The following GSE1 variants were observed in gnomAD, a reference collection of about 807,000 sequenced individuals.
GSE1 encodes Gse1 coiled-coil protein, also known as genetic suppressor element 1.
GSE1 carries 32 observed loss-of-function variants against 112.6 expected under a neutral mutation model. The ratio of observed to expected loss-of-function variants is 0.28; its 90% CI spans 0.21 to 0.38. The LOEUF is 0.38. GSE1 is among the 10% of genes least tolerant of loss of function. GSE1 has a pLI of 1.00. For missense variants in GSE1, 2,348 were observed against 1,699.2 expected (o/e 1.38, Z -6.71); for synonymous variants, 1,115 against 735.6 (o/e 1.52, Z -8.35).
At chr16:85,474,212 G>C (rs972415985) in intron 2 of GSE1, among the ~76,000 whole-genome samples, 2 of 152,080 alleles carry the variant, frequency 1.3e-5, no homozygotes, top group East Asian at 3.9e-4. Context: ...GACAGAGAAG[G>C]GGGGCAGAGG....
intron 14 of GSE1, 139 bp from the exon 15 acceptor site, chr16:85,670,856 G>A: frequency 1.6e-6 from 1 of 617,320 alleles, no homozygotes; most frequent in Non-Finnish European, 2.9e-6. Context: ...GGAGCATTGT[G>A]GTCCACAGGA....
intron 8 of GSE1, 103 bp from the exon 9 acceptor site, chr16:85,661,043 C>A: frequency 9.0e-7 from 1 of 1,105,456 alleles, no homozygotes; most frequent in South Asian, 1.5e-5. Flanking sequence ...CTCTAAGGGG[C>A]TGCGCCATCT....
intron 2 of GSE1, among the ~76,000 whole-genome samples, chr16:85,415,357 CATG>C (rs754404193): frequency 9.9e-5 from 15 of 152,192 alleles, no homozygotes; most frequent in Non-Finnish European, 2.1e-4. Flanking sequence ...CTAAATAGGA[CATG>C]ATGATGAATG....
intron 1 of GSE1, among the ~76,000 whole-genome samples, chr16:85,269,829 C>G (rs1056778009): frequency 6.7e-6 from 1 of 149,214 alleles, no homozygotes; most frequent in Non-Finnish European, 1.5e-5. Flanking sequence ...GAGGTGGCAC[C>G]GTAGGTGGGA....
At chr16:85,513,494 C>T (rs74531995) in intron 2 of GSE1, among the ~76,000 whole-genome samples, 4,013 of 152,182 alleles carry the variant, frequency 0.026, 182 homozygotes, top group African/African-American at 0.091. Flanking sequence ...CCCCCCTCAC[C>T]GCTCACGCAC....
upstream of GSE1, among the ~76,000 whole-genome samples, chr16:85,610,868 C>T (rs2151532313): frequency 6.6e-6 from 1 of 152,376 alleles, no homozygotes; most frequent in South Asian, 2.1e-4. Context: ...CCACCCATCT[C>T]GCAATCCAGG....
upstream of GSE1, chr16:85,554,857 G>A (rs2045119729): frequency 2.0e-6 from 2 of 984,914 alleles, 1 homozygote; most frequent in Admixed American, 1.2e-4. Flanking sequence ...GGGGGCCAGC[G>A]GCGCCCGCAG....
At chr16:85,562,534 TGGATTCCGGGGCAAGAATGC>T (rs2045568984) in intron 1 of GSE1, among the ~76,000 whole-genome samples, 1 of 152,248 alleles carries the variant, frequency 6.6e-6, no homozygotes, top group Non-Finnish European at 1.5e-5. Flanking sequence ...TTATGTTACC[TGGATTCCGGGGCAAGAATGC>T]GTGTCCTTCT....
intron 1 of GSE1, among the ~76,000 whole-genome samples, chr16:85,585,009 T>C (rs2046622853): frequency 6.6e-6 from 1 of 151,846 alleles, no homozygotes; most frequent in Non-Finnish European, 1.5e-5. Context: ...TCCGAAGACC[T>C]CGTCTTCCAA....
At chr16:85,364,118 C>A (rs1412474012) in intron 2 of GSE1, among the ~76,000 whole-genome samples, 1 of 152,204 alleles carries the variant, frequency 6.6e-6, no homozygotes. Flanking sequence ...GGGCCTGTTC[C>A]TTCTGGGGGC....
intron 2 of GSE1, among the ~76,000 whole-genome samples, chr16:85,437,500 C>G (rs566189813): frequency 1.3e-5 from 2 of 152,142 alleles, no homozygotes; most frequent in South Asian, 2.1e-4. Flanking sequence ...GGCACCCACA[C>G]CCACCCTGGG....
intron 1 of GSE1, among the ~76,000 whole-genome samples, chr16:85,259,810 A>G (rs375524318): frequency 6.6e-6 from 1 of 152,166 alleles, no homozygotes; most frequent in East Asian, 1.9e-4. Context: ...TGATGGGCGC[A>G]TGGGGCATGG....
intron 1 of GSE1, among the ~76,000 whole-genome samples, chr16:85,559,385 C>T (rs1322396001): frequency 1.3e-5 from 2 of 152,240 alleles, no homozygotes. Context: ...CCAGGTGCAG[C>T]AGCCAGCATG....
At chr16:85,453,551 G>A (rs1241508921) in intron 2 of GSE1, among the ~76,000 whole-genome samples, 1 of 152,118 alleles carries the variant, frequency 6.6e-6, no homozygotes, top group African/African-American at 2.4e-5. Flanking sequence ...CTCAGGTGGT[G>A]ACCCTGGGGC....
chr16:85,383,431 A>G (rs999137401), intron 2 of GSE1, among the ~76,000 whole-genome samples: 1 of 151,960 alleles, frequency 6.6e-6, no homozygotes, highest in Non-Finnish European at 1.5e-5. Flanking sequence ...CTCTGTACAT[A>G]GATACGCACG....
At chr16:85,192,108 C>G (rs2074835671) in intron 1 of GSE1, among the ~76,000 whole-genome samples, 1 of 152,252 alleles carries the variant, frequency 6.6e-6, no homozygotes, top group South Asian at 2.1e-4. Flanking sequence ...CATGCACATT[C>G]TGGTGCACTC....
intron 1 of GSE1, among the ~76,000 whole-genome samples, chr16:85,629,149 G>A (rs1011902820): frequency 6.6e-6 from 1 of 152,222 alleles, no homozygotes; most frequent in Non-Finnish European, 1.5e-5. Flanking sequence ...CTCCCCAGAA[G>A]CAGATGCCAG....
rs936974340 is a variant in GSE1, at chr16:85,670,996, G to A, written c.3417G>A (p.Glu1139=). The A allele has an allele frequency of 6.2e-7, 1 of 1,602,242 alleles. No individual in the cohort carries two copies. Among genetic ancestry groups the A allele is most frequent in the East Asian group, 2.2e-5 (1 of 44,734 alleles). Reference sequence around the variant, plus strand: ...CATCACCATCTCCTGTCTTTTCAGAGCAAAATCTGGAGCGGCAGGTGTTAC... The same window carrying A: ...CATCACCATCTCCTGTCTTTTCAGAACAAAATCTGGAGCGGCAGGTGTTAC... ...VFEAYQEHIE[E]QNLERQVLQT... is the part of the protein sequence containing the mutation. The change falls in exon 15 of 16, where the codon GAG becomes GAA. Residue 1139 remains glutamate, a splice_region_variant and synonymous_variant. Transcript: ENST00000253458.
At chr16:85,253,078 CCCCCA>C (rs1906683791) in intron 1 of GSE1, among the ~76,000 whole-genome samples, 2 of 113,596 alleles carry the variant, frequency 1.8e-5, no homozygotes, top group African/African-American at 3.5e-5. Flanking sequence ...CACCCCCCCC[CCCCCA>C]CCAGCAGGCT....
Sources: gnomAD v4.1 joint callset for allele counts (sites outside exome capture counted in the v4.1 genomes callset) on GRCh38, gnomAD v4.1.1 for gene constraint, MANE v1.5 for transcripts, NCBI Gene and HGNC (gene_info 2026-07-23, HGNC 2026-07-21) for gene names.